Variants in GLRB observed in about 807,000 individuals in gnomAD.
GLRB encodes the protein glycine receptor subunit beta.
GLRB carries 33 observed loss-of-function variants against 54.2 expected under a neutral mutation model. The observed-to-expected ratio is 0.61, with a 90% CI of 0.46 to 0.81. The LOEUF is 0.81. GLRB is among the 40% of genes least tolerant of loss of function. GLRB has a pLI of 0.00. For missense variants in GLRB, 572 were observed against 584.6 expected (o/e 0.98, Z 0.22); for synonymous variants, 209 against 208.2 (o/e 1.00, Z -0.03).
At chr4:157,147,862 T>C (rs1214281892) in intron 8 of GLRB, among the ~76,000 whole-genome samples, 1 of 152,222 alleles carries the variant, frequency 6.6e-6, no homozygotes, top group African/African-American at 2.4e-5. Context: ...CCATATGCTT[T>C]CTGTCATTCC....
Position 157,138,914 on chromosome 4 carries a change from A to T in GLRB, c.716A>T (p.Glu239Val), listed in dbSNP as rs1437786969. The T allele has an allele frequency of 6.8e-7, 1 of 1,474,470 alleles. No homozygotes were observed. Among genetic ancestry groups the T allele is most frequent in the Middle Eastern group, 1.8e-4 (1 of 5,546 alleles). 91.3% of individuals were successfully genotyped at this position (1,474,470 alleles called of 1,614,324 possible). A position where few individuals can be genotyped will look rare whatever the true frequency, so the allele number is the denominator to read the frequency against. Residue 239 changes from glutamate (E) to valine (V), a missense_variant, in exon 7 of 10, where the codon GAA becomes GTA. Glu to Val is a moderately radical substitution (Grantham distance 121). Coordinates refer to ENST00000264428, the MANE Select transcript of GLRB (RefSeq NM_000824.5). ...TTTGATATCAAAAAGGAAGATATTGAATATGGTAACTGTACAAAATACTAT... is the reference window on the plus strand; with the variant it reads ...TTTGATATCAAAAAGGAAGATATTGTATATGGTAACTGTACAAAATACTAT... Reference protein sequence around the residue: ...PQFDIKKEDIEYGNCTKYYKG... With the variant: ...PQFDIKKEDIVYGNCTKYYKG...
chr4:157,083,051 C>T lies in GLRB; in HGVS notation c.122+4905C>T, dbSNP rs561289921. Among the ~76,000 whole-genome samples the T allele has an allele frequency of 2.1e-3, 309 of 149,700 alleles. 3 individuals are homozygous for T. Among genetic ancestry groups the T allele is most frequent in the South Asian group, 4.4e-3 (21 of 4,758 alleles). ...ATTCTTAAAATTAACACATTCTTAA[C>T]ATAAAATTAGTAAAATAAGAACTAT... On this transcript the variant is annotated intron_variant, in intron 2 of 9. Coordinates refer to ENST00000264428, the MANE Select transcript of GLRB (RefSeq NM_000824.5).
chr4:157,078,558 A>G (rs1734122541), intron 2 of GLRB, among the ~76,000 whole-genome samples: 2 of 152,104 alleles, frequency 1.3e-5, no homozygotes, highest in Non-Finnish European at 2.9e-5. Context: ...TAAAAGTCAG[A>G]TAGGTAACTG....
chr4:157,117,302 C>T (rs1459777587), intron 2 of GLRB, among the ~76,000 whole-genome samples: 1 of 151,718 alleles, frequency 6.6e-6, no homozygotes, highest in South Asian at 2.1e-4. Context: ...AGAAAAATCT[C>T]TTAACCCTGC....
chr4:157,084,142 C>G (rs535170036), intron 2 of GLRB, among the ~76,000 whole-genome samples: 1 of 152,028 alleles, frequency 6.6e-6, no homozygotes, highest in Non-Finnish European at 1.5e-5. Flanking sequence ...TATTGTTTGC[C>G]ATTTCTATTT....
chr4:157,101,011 A>G (rs1176262207), intron 2 of GLRB, among the ~76,000 whole-genome samples: 2 of 152,168 alleles, frequency 1.3e-5, no homozygotes, highest in East Asian at 3.9e-4. Context: ...CTAAACATTT[A>G]TTGAATGAAT....
chr4:157,082,652 G>T (rs1734264576), intron 2 of GLRB, among the ~76,000 whole-genome samples: 1 of 152,056 alleles, frequency 6.6e-6, no homozygotes, highest in Admixed American at 6.6e-5. Flanking sequence ...CTTCACCCTG[G>T]ATTATGTTAC....
chr4:157,162,417 T>A (rs570347490), intron 9 of GLRB, among the ~76,000 whole-genome samples: 61 of 152,354 alleles, frequency 4.0e-4, no homozygotes, highest in African/African-American at 1.4e-3. Flanking sequence ...AGAGGAGCTC[T>A]GATTTTTAGA....
intron 4 of GLRB, among the ~76,000 whole-genome samples, chr4:157,127,970 A>G (rs1736075048): frequency 6.6e-6 from 1 of 151,822 alleles, no homozygotes; most frequent in East Asian, 1.9e-4. Flanking sequence ...TATGCTGATG[A>G]GCATTTGTTA....
In GLRB at chr4:157,115,860, C is replaced by T. The variant is rs1383983619; in HGVS notation, c.123-4696C>T. Among the ~76,000 whole-genome samples the T allele has an allele frequency of 2.0e-5, 3 of 151,802 alleles. No individual in the cohort carries two copies. In the East Asian group the frequency reaches 5.8e-4, roughly 30 times the overall value. ...TAAGTTCATGTCCAGCTGAAAGCTG[C>T]GCAGCCCCACACTTACTACATTCAG... On this transcript the variant is annotated intron_variant, in intron 2 of 9. Coordinates refer to ENST00000264428, the MANE Select transcript of GLRB (RefSeq NM_000824.5).
At chr4:157,076,602 G>A (rs1237450801) in intron 1 of GLRB, 4 of 152,202 alleles carry the variant, frequency 2.6e-5, no homozygotes, top group Non-Finnish European at 5.9e-5. Context: ...TCCTTGCGTT[G>A]TTTTGTTTAT....
chr4:157,138,857 C>G lies in GLRB; in HGVS notation c.659C>G (p.Pro220Arg). Residue 220 changes from proline (P) to arginine (R), a missense_variant, in exon 7 of 10, where the codon CCT becomes CGT. Pro to Arg is a moderately radical substitution (Grantham distance 103). Transcript: ENST00000264428. ...DLRFIWQSGDPVQLEKIALPQ... is the reference protein window; with the variant it reads ...DLRFIWQSGDRVQLEKIALPQ... ...CGATTTATCTGGCAGTCAGGAGATC[C>G]TGTGCAATTAGAAAAAATTGCCTTG... The G allele has an allele frequency of 6.4e-7, 1 of 1,562,228 alleles. No homozygotes were observed. The highest frequency in any genetic ancestry group is 8.8e-7 in the Non-Finnish European group (1 of 1,133,664).
chr4:157,153,038 A>T, intron 9 of GLRB, 28 bp downstream of exon 9: 1 of 1,575,914 alleles, frequency 6.3e-7, no homozygotes. Flanking sequence ...CCATGAAATC[A>T]TTTCCCCCAA....
chr4:157,122,349 AGTC>A lies in GLRB; in HGVS notation c.250_252del (p.Val84del), dbSNP rs761257605. ...TCATAGGCATTCCTGTTGATGTAGTAGTCAACATTTTTATTAACAGTTTTGGAT... is the reference window on the plus strand; with the variant it reads ...TCATAGGCATTCCTGTTGATGTAGTAAACATTTTTATTAACAGTTTTGGAT... On this transcript the variant is annotated inframe_deletion, in exon 4 of 10. Transcript: ENST00000264428. The A allele has an allele frequency of 7.7e-7, 1 of 1,292,356 alleles. No individual in the cohort carries two copies. The allele number at this position is 1,292,356 out of a possible 1,614,324, so 80.1% of individuals were successfully genotyped here.
chr4:157,150,739 TC>T (rs1283392634), intron 8 of GLRB, among the ~76,000 whole-genome samples: 1 of 152,044 alleles, frequency 6.6e-6, no homozygotes, highest in Non-Finnish European at 1.5e-5. Flanking sequence ...CGGAAATTCT[TC>T]CAGTCATCCT....
At chr4:157,111,721 C>T (rs1052357549) in intron 2 of GLRB, among the ~76,000 whole-genome samples, 1 of 151,984 alleles carries the variant, frequency 6.6e-6, no homozygotes, top group African/African-American at 2.4e-5. Flanking sequence ...TTGCTGACAT[C>T]ACTCTTAGGG....
At chr4:157,129,592 A>C (rs1736138296) in intron 4 of GLRB, among the ~76,000 whole-genome samples, 1 of 151,826 alleles carries the variant, frequency 6.6e-6, no homozygotes, top group Non-Finnish European at 1.5e-5. Context: ...ATAGAAAAGA[A>C]TCTTTGAAGC....
chr4:157,114,078 G>T (rs886105145), intron 2 of GLRB, among the ~76,000 whole-genome samples: 15 of 151,920 alleles, frequency 9.9e-5, no homozygotes, highest in African/African-American at 2.7e-4. Flanking sequence ...GTATTTGTCT[G>T]TCTTTGTATG....
At position 157,170,611 on chromosome 4, in the gene GLRB, T is replaced by TC; in HGVS notation, c.1382dup (p.Ala462CysfsTer13). 1 of 1,612,130 alleles carries TC rather than the reference T, an allele frequency of 6.2e-7. No individual in the cohort carries two copies. The highest frequency in any genetic ancestry group is 8.5e-7 in the Non-Finnish European group (1 of 1,178,416). ...CTCAGGCTAAGAACAACAAGAAGCC[T>TC]CCCCCTGCGAAACCTGTTATTCCAA... On this transcript the variant is annotated frameshift_variant, in exon 10 of 10. Transcript: ENST00000264428. LOFTEE classifies it high-confidence loss of function.
Sources: gnomAD v4.1 joint callset for allele counts (sites outside exome capture counted in the v4.1 genomes callset) on GRCh38, gnomAD v4.1.1 for gene constraint, MANE v1.5 for transcripts, NCBI Gene and HGNC (gene_info 2026-07-23, HGNC 2026-07-21) for gene names.